ANO10: variants seen among roughly 807,000 people sequenced by gnomAD.
ANO10 encodes anoctamin 10, also known as anoctamin-10.
ANO10 carries 77 observed loss-of-function variants against 74.7 expected under a neutral mutation model. That is an observed-to-expected ratio of 1.03 (90% CI 0.86 to 1.25). The LOEUF is 1.25. Ranked by LOEUF, ANO10 falls within the 50% of genes most tolerant of loss-of-function variation. ANO10 has a pLI of 0.00. For missense variants in ANO10, 721 were observed against 778.1 expected (o/e 0.93, Z 0.87); for synonymous variants, 279 against 284.9 (o/e 0.98, Z 0.21).
chr3:43,686,357 C>T (rs1223412281), intron 1 of ANO10, among the ~76,000 whole-genome samples: 1 of 152,170 alleles, frequency 6.6e-6, no homozygotes, highest in Non-Finnish European at 1.5e-5. Context: ...ATGATCACAG[C>T]TTACTGCAGC....
Position 43,366,550 on chromosome 3 carries a change from G to T in ANO10, c.*356C>A, listed in dbSNP as rs1575574058. ...CCACGGGTCCCTGGGCCATGGTGGGGTTGGGAGTGACACTGCTATGAGGGG... is the reference window on the plus strand; with the variant it reads ...CCACGGGTCCCTGGGCCATGGTGGGTTTGGGAGTGACACTGCTATGAGGGG... On this transcript the variant is annotated 3_prime_UTR_variant, in exon 13 of 13. Coordinates refer to ENST00000292246, the MANE Select transcript of ANO10 (RefSeq NM_018075.5). 5.0e-6 allele frequency: 2 copies of T among 396,256 alleles called. No individual in the cohort carries two copies. Among genetic ancestry groups the T allele is most frequent in the South Asian group, 2.1e-5 (1 of 46,760 alleles). The allele number at this position is 396,256 out of a possible 1,614,324, so 24.5% of individuals were successfully genotyped here.
chr3:43,444,919 C>T (rs375060144), intron 11 of ANO10, among the ~76,000 whole-genome samples: 44 of 152,008 alleles, frequency 2.9e-4, no homozygotes, highest in East Asian at 1.2e-3. Context: ...GTCAGGAGAT[C>T]GAGACCATCC....
chr3:43,529,604 A>G (rs566128145), intron 11 of ANO10, among the ~76,000 whole-genome samples: 51 of 152,344 alleles, frequency 3.3e-4, no homozygotes, highest in African/African-American at 1.2e-3. Context: ...TAAAAAACAT[A>G]TATGTAAATG....
At chr3:43,542,889 T>C (rs937348478) in intron 11 of ANO10, among the ~76,000 whole-genome samples, 2 of 152,230 alleles carry the variant, frequency 1.3e-5, no homozygotes, top group South Asian at 2.1e-4. Flanking sequence ...ATGCCTCGCC[T>C]TGTGAGAGTG....
At chr3:43,573,887 T>A (rs1271236980) in intron 7 of ANO10, among the ~76,000 whole-genome samples, 2 of 152,168 alleles carry the variant, frequency 1.3e-5, no homozygotes. Context: ...AGCAAAACAT[T>A]CAAAGAAATC....
At chr3:43,446,191 T>G (rs895960758) in intron 11 of ANO10, among the ~76,000 whole-genome samples, 1 of 152,228 alleles carries the variant, frequency 6.6e-6, no homozygotes, top group Non-Finnish European at 1.5e-5. Context: ...GCATGTGGAT[T>G]CAGGAAGGAA....
At chr3:43,634,213 T>C (rs1411254576) in intron 1 of ANO10, among the ~76,000 whole-genome samples, 1 of 152,104 alleles carries the variant, frequency 6.6e-6, no homozygotes, top group Non-Finnish European at 1.5e-5. Context: ...AAGTATACTC[T>C]ACAGCCTACA....
intron 1 of ANO10, among the ~76,000 whole-genome samples, chr3:43,639,856 A>C (rs544034109): frequency 2.0e-5 from 3 of 152,292 alleles, no homozygotes; most frequent in Admixed American, 2.0e-4. Context: ...GCACAATAGT[A>C]TACTTTCAGA....
At chr3:43,530,453 GTATA>G (rs2078410837) in intron 11 of ANO10, among the ~76,000 whole-genome samples, 1 of 148,790 alleles carries the variant, frequency 6.7e-6, no homozygotes, top group Non-Finnish European at 1.5e-5. Flanking sequence ...TTTATATATG[GTATA>G]TATAAACTAT....
At chr3:43,503,136 C>T (rs966209845) in intron 11 of ANO10, among the ~76,000 whole-genome samples, 2 of 152,024 alleles carry the variant, frequency 1.3e-5, no homozygotes, top group African/African-American at 4.8e-5. Context: ...AGAAAAAATG[C>T]AAACTAAGGG....
chr3:43,573,796 T>C (rs1383228918), intron 7 of ANO10, among the ~76,000 whole-genome samples: 1 of 152,210 alleles, frequency 6.6e-6, no homozygotes, highest in Non-Finnish European at 1.5e-5. Flanking sequence ...TTTTGAACTT[T>C]GGAAATCTAA....
chr3:43,541,619 TA>T (rs960341921), intron 11 of ANO10, among the ~76,000 whole-genome samples: 53 of 152,266 alleles, frequency 3.5e-4, no homozygotes, highest in African/African-American at 4.6e-4. Context: ...GTACACTGAA[TA>T]AAAAAACTAT....
chr3:43,585,637 A>T (rs1313943989), intron 4 of ANO10, among the ~76,000 whole-genome samples: 3 of 152,188 alleles, frequency 2.0e-5, no homozygotes, highest in Non-Finnish European at 4.4e-5. Flanking sequence ...AGAAACTCAC[A>T]GGTGGAAGCC....
intron 11 of ANO10, among the ~76,000 whole-genome samples, chr3:43,500,591 T>A (rs756640691): frequency 5.3e-4 from 80 of 152,332 alleles, no homozygotes; most frequent in Middle Eastern, 3.4e-3. Context: ...GAAGTTAACC[T>A]TAGGCTCAGT....
chr3:43,616,035 A>G (rs929158197), intron 1 of ANO10, among the ~76,000 whole-genome samples: 1 of 152,148 alleles, frequency 6.6e-6, no homozygotes, highest in Non-Finnish European at 1.5e-5. Context: ...CTTATATAAA[A>G]GCTACCTAGA....
intron 6 of ANO10, 117 bp downstream of exon 6, chr3:43,576,575 T>A: frequency 9.1e-7 from 1 of 1,093,324 alleles, no homozygotes; most frequent in Non-Finnish European, 1.3e-6. Context: ...TATGTCTCTA[T>A]AATGAGCCAA....
intron 11 of ANO10, among the ~76,000 whole-genome samples, chr3:43,510,106 T>C (rs886786437): frequency 6.6e-6 from 1 of 152,058 alleles, no homozygotes; most frequent in African/African-American, 2.4e-5. Context: ...TGGTGGTAGA[T>C]ACATGAACCT....
chr3:43,567,834 T>C (rs1345650372), intron 7 of ANO10, among the ~76,000 whole-genome samples: 3 of 151,266 alleles, frequency 2.0e-5, no homozygotes, highest in Non-Finnish European at 4.4e-5. Context: ...CACATAACAA[T>C]ATTAACTTTA....
At chr3:43,563,447 A>G (rs1407249485) in intron 8 of ANO10, among the ~76,000 whole-genome samples, 2 of 148,354 alleles carry the variant, frequency 1.3e-5, no homozygotes, top group Admixed American at 6.7e-5. Flanking sequence ...TGAGACATCT[A>G]AAAAAAAACC....
Sources: gnomAD v4.1 joint callset for allele counts (sites outside exome capture counted in the v4.1 genomes callset) on GRCh38, gnomAD v4.1.1 for gene constraint, MANE v1.5 for transcripts, NCBI Gene and HGNC (gene_info 2026-07-23, HGNC 2026-07-21) for gene names.